Variants in RNF38 observed in about 807,000 individuals in gnomAD.
The protein encoded by RNF38 is E3 ubiquitin-protein ligase RNF38.
RNF38 carries 15 observed loss-of-function variants against 67.2 expected under a neutral mutation model. That is an observed-to-expected ratio of 0.22 (90% CI 0.15 to 0.34). The LOEUF is 0.34. RNF38 is among the 10% of genes least tolerant of loss of function. The pLI is 1.00. For missense variants in RNF38, 524 were observed against 639.9 expected, an observed-to-expected ratio of 0.82 and a Z score of 1.95; for synonymous variants, 220 against 218.8, an observed-to-expected ratio of 1.01 and a Z score of -0.05.
intron 2 of RNF38, among the ~76,000 whole-genome samples, chr9:36,380,520 T>A (rs985780743): frequency 7.3e-5 from 11 of 150,496 alleles, no homozygotes; most frequent in African/African-American, 2.5e-4. Context: ...TTAAAGACAG[T>A]CTCACTCTGT....
At chr9:36,405,180 T>C (rs1250762203), upstream of RNF38, among the ~76,000 whole-genome samples, 1 of 152,036 alleles carries the variant, frequency 6.6e-6, no homozygotes, top group Non-Finnish European at 1.5e-5. Flanking sequence ...GGCAGGAGAA[T>C]CACTTGAACC....
Position 36,466,005 on chromosome 9 carries a change from T to C in RNF38, n.241+21303A>G, listed in dbSNP as rs186352097. Among the ~76,000 whole-genome samples the C allele has an allele frequency of 1.9e-3, 282 of 152,222 alleles. 1 individual carries two copies. Among genetic ancestry groups the C allele is most frequent in the African/African-American group, 6.6e-3 (274 of 41,538 alleles). ...AGGCGGAGCTTGCAGTGAGCCGAGATCGGGCCACTGCACTTGAGCCTGGGC... is the reference window on the plus strand; with the variant it reads ...AGGCGGAGCTTGCAGTGAGCCGAGACCGGGCCACTGCACTTGAGCCTGGGC... On this transcript the variant is annotated intron_variant and non_coding_transcript_variant, in intron 1 of 3. Transcript: ENST00000488058.
intron 1 of RNF38, among the ~76,000 whole-genome samples, chr9:36,427,706 C>CTATCTAT (rs1564058865): frequency 6.6e-5 from 7 of 105,732 alleles, no homozygotes; most frequent in African/African-American, 2.2e-4. Context: ...TATCTATCTA[C>CTATCTAT]CTACCTATCT....
intron 1 of RNF38, among the ~76,000 whole-genome samples, chr9:36,484,893 G>T (rs538844807): frequency 6.6e-6 from 1 of 152,268 alleles, no homozygotes; most frequent in South Asian, 2.1e-4. Flanking sequence ...TTGGCCGGGC[G>T]CGGTGGCTCA....
rs762388042 is a variant in RNF38, at chr9:36,375,946, C to T, written c.344G>A (p.Arg115His). 1.4e-5 allele frequency: 23 copies of T among 1,606,824 alleles called. No homozygotes were observed. Among genetic ancestry groups the T allele is most frequent in the East Asian group, 6.7e-5 (3 of 44,602 alleles). Residue 115 changes from arginine (R) to histidine (H), a missense_variant, in exon 3 of 12, where the codon CGC becomes CAC. Arg to His is a conservative substitution (Grantham distance 29, BLOSUM62 0). This residue lies in a region of RNF38 where 461 missense variants were observed against 517.4 expected (regional missense o/e 0.89). Coordinates refer to ENST00000259605, the MANE Select transcript of RNF38 (RefSeq NM_022781.5). ...FSGERCNTPA[R>H]NRRSPPVRRQ... ...GTAATCAACTAACCTTCTTCTGTTGCGTGCAGGTGTGTTGCATCGTTCCCC... is the reference window on the plus strand; with the variant it reads ...GTAATCAACTAACCTTCTTCTGTTGTGTGCAGGTGTGTTGCATCGTTCCCC...
intron 1 of RNF38, among the ~76,000 whole-genome samples, chr9:36,437,573 GAA>G (rs985104819): frequency 6.7e-6 from 1 of 148,830 alleles, no homozygotes; most frequent in Non-Finnish European, 1.5e-5. Context: ...AAAAAAAAAA[GAA>G]GAGGCGCAGA....
chr9:36,395,191 A>G (rs760904071), intron 1 of RNF38, among the ~76,000 whole-genome samples: 1 of 152,246 alleles, frequency 6.6e-6, no homozygotes, highest in Non-Finnish European at 1.5e-5. Context: ...TGGTAACATA[A>G]CCAACAATTT....
chr9:36,348,872 G>A (rs1335465508), intron 9 of RNF38, among the ~76,000 whole-genome samples: 2 of 152,304 alleles, frequency 1.3e-5, no homozygotes, highest in African/African-American at 2.4e-5. Context: ...CAATGTAGAC[G>A]GAACAGCCCT....
At chr9:36,455,554 GGGTGGATCATGA>G (rs1564069669) in intron 1 of RNF38, among the ~76,000 whole-genome samples, 1 of 151,988 alleles carries the variant, frequency 6.6e-6, no homozygotes, top group Non-Finnish European at 1.5e-5. Flanking sequence ...AGGCCGAGGC[GGGTGGATCATGA>G]GGTCAGGAGT....
intron 1 of RNF38, among the ~76,000 whole-genome samples, chr9:36,447,082 G>C (rs968375544): frequency 6.7e-6 from 1 of 149,368 alleles, no homozygotes; most frequent in African/African-American, 2.5e-5. Context: ...AGTTGAGATC[G>C]TGTCACTGCA....
upstream of RNF38, chr9:36,487,631 C>T: frequency 4.2e-6 from 4 of 957,254 alleles, no homozygotes; most frequent in Non-Finnish European, 5.0e-6. Flanking sequence ...GGGCCCCGGC[C>T]GGCAGCAGCG....
Position 36,434,270 on chromosome 9 carries a change from G to A in RNF38, n.242-9587C>T, listed in dbSNP as rs1419080957. On this transcript the variant is annotated intron_variant and non_coding_transcript_variant, in intron 1 of 3. Coordinates refer to the RNF38 transcript ENST00000488058. ...AGGGAGGGGAGGGGAGAGGGGAGGGGGGGAAGGGATAGGGGAGAAGGGGAG... is the reference window on the plus strand; with the variant it reads ...AGGGAGGGGAGGGGAGAGGGGAGGGAGGGAAGGGATAGGGGAGAAGGGGAG... Among the ~76,000 whole-genome samples the A allele has an allele frequency of 5.1e-5, 6 of 118,674 alleles. No homozygotes were observed. The East Asian group carries it at 1.2e-3, about 24-fold the overall frequency. 77.9% of individuals were successfully genotyped at this position (118,674 alleles called of 152,430 possible). A position where few individuals can be genotyped will look rare whatever the true frequency, so the allele number is the denominator to read the frequency against.
chr9:36,484,209 A>G (rs907575442), intron 1 of RNF38, among the ~76,000 whole-genome samples: 22 of 152,360 alleles, frequency 1.4e-4, no homozygotes, highest in Non-Finnish European at 2.6e-4. Flanking sequence ...ATCTATTTCA[A>G]CAAAGCTCAA....
chr9:36,352,500 C>T (rs1021129561), intron 8 of RNF38, among the ~76,000 whole-genome samples: 5 of 152,262 alleles, frequency 3.3e-5, no homozygotes, highest in Admixed American at 2.0e-4. Context: ...AAAATCTTAA[C>T]CTTTTCTGCT....
intron 8 of RNF38, 76 bp from the exon 9 acceptor site, chr9:36,351,275 C>T (rs977127153): frequency 3.2e-6 from 3 of 943,990 alleles, no homozygotes; most frequent in South Asian, 3.0e-5. Flanking sequence ...AGGACAGAGG[C>T]CAGTGCTATA....
intron 10 of RNF38, among the ~76,000 whole-genome samples, chr9:36,344,069 A>G (rs1833040490): frequency 6.6e-6 from 1 of 152,166 alleles, no homozygotes; most frequent in Non-Finnish European, 1.5e-5. Context: ...GCTGGAGTGC[A>G]GTGGTGTGAT....
chr9:36,414,450 T>C (rs769451081), intron 2 of RNF38, among the ~76,000 whole-genome samples: 7 of 152,108 alleles, frequency 4.6e-5, no homozygotes, highest in African/African-American at 7.2e-5. Flanking sequence ...TTTGGGAGGC[T>C]GAGGGGGGCA....
At chr9:36,433,538 G>A (rs981379945) in intron 1 of RNF38, among the ~76,000 whole-genome samples, 1 of 151,756 alleles carries the variant, frequency 6.6e-6, no homozygotes, top group African/African-American at 2.4e-5. Flanking sequence ...TCAGGAGTTC[G>A]AGATCAGGCA....
At chr9:36,444,626 C>T (rs1465534424) in intron 1 of RNF38, among the ~76,000 whole-genome samples, 2 of 152,096 alleles carry the variant, frequency 1.3e-5, no homozygotes, top group Admixed American at 6.6e-5. Context: ...ATACTGAAAT[C>T]CCATCTCTAC....
Sources: gnomAD v4.1 joint callset for allele counts (sites outside exome capture counted in the v4.1 genomes callset) on GRCh38, gnomAD v4.1.1 for gene constraint, gnomAD v4.1.1 regional missense constraint, MANE v1.5 for transcripts, NCBI Gene and HGNC (gene_info 2026-07-23, HGNC 2026-07-21) for gene names.